GPR89A: variants seen among roughly 807,000 people sequenced by gnomAD.
GPR89A encodes the protein golgi pH regulator A.
Under a neutral mutation model 52.0 loss-of-function variants are expected in GPR89A, and 16 were observed. The ratio of observed to expected loss-of-function variants is 0.31; its 90% confidence interval spans 0.21 to 0.47. The LOEUF is 0.47. Ranked by LOEUF, GPR89A falls within the 20% of genes least tolerant of loss-of-function variation. The pLI, the probability that GPR89A is intolerant of heterozygous loss-of-function variation, is 1.00. For synonymous variants in GPR89A, 55 were observed against 150.9 expected (o/e 0.36, Z 4.66); for missense variants, 135 against 449.4 (o/e 0.30, Z 6.33).
chr1:145,636,908 A>C (rs587678998), intron 7 of GPR89A, among the ~76,000 whole-genome samples: 2 of 152,298 alleles, frequency 1.3e-5, no homozygotes, highest in South Asian at 4.2e-4. Flanking sequence ...GTAAGAGTTT[A>C]AATCAGCTGA....
At chr1:145,634,135 A>G (rs1285624037) in intron 7 of GPR89A, among the ~76,000 whole-genome samples, 2 of 148,348 alleles carry the variant, frequency 1.3e-5, no homozygotes, top group African/African-American at 4.9e-5. Context: ...GCTGGAGTGC[A>G]GTGACGTGAT....
At chr1:145,650,895 C>G (rs587712201) in intron 10 of GPR89A, among the ~76,000 whole-genome samples, 4 of 152,120 alleles carry the variant, frequency 2.6e-5, no homozygotes, top group East Asian at 3.9e-4. Context: ...GGATATTAGG[C>G]CTTTGTCAGA....
At chr1:145,660,286 T>G (rs1410064268) in intron 10 of GPR89A, among the ~76,000 whole-genome samples, 11 of 152,098 alleles carry the variant, frequency 7.2e-5, no homozygotes, top group African/African-American at 2.4e-4. Context: ...CCTTACACCT[T>G]ATACAAAAAT....
chr1:145,663,618 C>A (rs1652358243), intron 11 of GPR89A, among the ~76,000 whole-genome samples, 194 bp downstream of exon 11: 1 of 151,932 alleles, frequency 6.6e-6, no homozygotes, highest in South Asian at 2.1e-4. Flanking sequence ...TGTAAAAGGC[C>A]AAGATTCTCT....
chr1:145,649,025 C>T (rs1437980724), intron 10 of GPR89A, among the ~76,000 whole-genome samples: 2 of 149,192 alleles, frequency 1.3e-5, no homozygotes, highest in African/African-American at 5.0e-5. Context: ...AGGATGGTCT[C>T]GATCTCCTGA....
chr1:145,643,062 C>T (rs1361560457), intron 7 of GPR89A, among the ~76,000 whole-genome samples: 1 of 84,062 alleles, frequency 1.2e-5, no homozygotes, highest in South Asian at 4.3e-4. Context: ...TATTTTTTTT[C>T]CTTTTGTCTG....
At chr1:145,662,503 A>G (rs1375575187) in intron 10 of GPR89A, among the ~76,000 whole-genome samples, 2 of 151,892 alleles carry the variant, frequency 1.3e-5, no homozygotes, top group Admixed American at 1.3e-4. Context: ...GTTTTTTCAT[A>G]AGGAATATAT....
intron 12 of GPR89A, among the ~76,000 whole-genome samples, chr1:145,666,829 T>G (rs1463067769): frequency 6.6e-6 from 1 of 151,840 alleles, no homozygotes; most frequent in Non-Finnish European, 1.5e-5. Context: ...TTGCGATAGT[T>G]TGCTGAGAAT....
chr1:145,611,651 C>T (rs1222477063), intron 1 of GPR89A: 11 of 138,284 alleles, frequency 8.0e-5, no homozygotes, highest in African/African-American at 2.7e-4. Context: ...AAAATTTTTG[C>T]TTGTTTTCTC....
chr1:145,634,380 C>T (rs1307823170), intron 7 of GPR89A, among the ~76,000 whole-genome samples: 3 of 151,666 alleles, frequency 2.0e-5, no homozygotes, highest in African/African-American at 7.3e-5. Context: ...CATGCCCAGC[C>T]TTATTGTCCT....
chr1:145,635,474 G>A (rs1650171922), intron 7 of GPR89A, among the ~76,000 whole-genome samples: 1 of 151,996 alleles, frequency 6.6e-6, no homozygotes, highest in East Asian at 1.9e-4. Context: ...ATTTCTGCAT[G>A]TCTTTACTAG....
At chr1:145,633,052 A>ATAC (rs1649991035) in intron 7 of GPR89A, among the ~76,000 whole-genome samples, 1 of 145,720 alleles carries the variant, frequency 6.9e-6, no homozygotes, top group African/African-American at 2.6e-5. Flanking sequence ...TTCTTTTGAG[A>ATAC]AATGTCTATT....
At chr1:145,628,920 TAGAAA>T (rs1408158318) in intron 5 of GPR89A, among the ~76,000 whole-genome samples, 6 of 151,892 alleles carry the variant, frequency 4.0e-5, no homozygotes, top group Non-Finnish European at 8.8e-5. Context: ...GAATTTCTCT[TAGAAA>T]AGAGAATTGA....
intron 7 of GPR89A, among the ~76,000 whole-genome samples, chr1:145,640,052 T>C (rs1368525927): frequency 4.3e-4 from 65 of 151,872 alleles, no homozygotes; most frequent in Non-Finnish European, 5.6e-4. Context: ...ACCCCGTCTC[T>C]ACTAAAAATA....
intron 10 of GPR89A, among the ~76,000 whole-genome samples, chr1:145,648,613 G>A (rs1352030106): frequency 6.6e-6 from 1 of 151,428 alleles, no homozygotes; most frequent in East Asian, 1.9e-4. Context: ...CCGAGTGGCT[G>A]GGATTGCAAG....
intron 1 of GPR89A, among the ~76,000 whole-genome samples, chr1:145,612,786 A>G (rs1648392635): frequency 6.6e-6 from 1 of 152,082 alleles, no homozygotes; most frequent in Non-Finnish European, 1.5e-5. Flanking sequence ...CCCCTTGGCC[A>G]ATAAACTTTC....
chr1:145,669,524 T>C, intron 12 of GPR89A, 101 bp from the exon 13 acceptor site: 1 of 917,110 alleles, frequency 1.1e-6, no homozygotes, highest in Non-Finnish European at 1.8e-6. Context: ...GATTGTGGCA[T>C]GGAAGAGACA....
At chr1:145,659,685 A>G (rs1309170058) in intron 10 of GPR89A, among the ~76,000 whole-genome samples, 6 of 133,182 alleles carry the variant, frequency 4.5e-5, no homozygotes, top group Admixed American at 8.0e-5. Flanking sequence ...GCCTTGTAGT[A>G]TAGTTTGAAG....
chr1:145,666,437 C>G (rs1319353989), intron 12 of GPR89A, among the ~76,000 whole-genome samples: 3 of 152,142 alleles, frequency 2.0e-5, no homozygotes, highest in Non-Finnish European at 4.4e-5. Flanking sequence ...TTTCGTTCAA[C>G]ATTTCATTAT....
Sources: allele counts gnomAD v4.1 joint callset (sites outside exome capture counted in the v4.1 genomes callset), GRCh38; gene constraint gnomAD v4.1.1; transcripts MANE v1.5; gene names NCBI Gene and HGNC (gene_info 2026-07-23, HGNC 2026-07-21).